The following RHOBTB3 variants were observed in gnomAD, a reference collection of about 807,000 sequenced individuals.
RHOBTB3 encodes the protein Rho related BTB domain containing 3, also known as rho-related BTB domain-containing protein 3.
In RHOBTB3, 47 loss-of-function variants were observed where a neutral mutation model predicts 67.2. That is an observed-to-expected ratio of 0.70 (90% CI 0.55 to 0.89). RHOBTB3 has a LOEUF of 0.89. Among genes scored for constraint, RHOBTB3 ranks in the 40% least tolerant of loss-of-function variants. The probability of loss-of-function intolerance (pLI) is 0.00; values close to 1 mark genes in which losing one functional copy is unlikely to be tolerated. For missense variants in RHOBTB3, 631 were observed against 750.0 expected (o/e 0.84, Z 1.85); for synonymous variants, 273 against 274.2 (o/e 1.00, Z 0.04).
chr5:95,718,729 T>G lies in RHOBTB3; in HGVS notation n.133+964T>G, dbSNP rs186093329. Among the ~76,000 whole-genome samples, 487 of 152,266 alleles carry G rather than the reference T, an allele frequency of 3.2e-3. 5 individuals carry two copies. The highest frequency in any genetic ancestry group is 4.1e-3 in the Non-Finnish European group (282 of 68,034). On this transcript the variant is annotated intron_variant and non_coding_transcript_variant, in intron 1 of 5. Coordinates refer to the RHOBTB3 transcript ENST00000504949. ...ACTAAGGTTGATCCAGGGTTGGGGT[T>G]TTAGACTGAAAAGCAATAGAATGGG...
At chr5:95,753,835 T>C (rs1745164769) in intron 5 of RHOBTB3, among the ~76,000 whole-genome samples, 1 of 152,150 alleles carries the variant, frequency 6.6e-6, no homozygotes, top group Admixed American at 6.6e-5. Context: ...TTGGCCCAGG[T>C]ATGGTGGCTC....
chr5:95,731,153 G>T (rs1755221912), upstream of RHOBTB3: 3 of 1,017,380 alleles, frequency 2.9e-6, no homozygotes, highest in Non-Finnish European at 3.5e-6. Context: ...CCCCGCGCGG[G>T]CGGCTCCTTT....
intron 9 of RHOBTB3, chr5:95,781,681 C>T (rs1746050514): frequency 6.6e-6 from 1 of 152,304 alleles, no homozygotes; most frequent in African/African-American, 2.4e-5. Context: ...GAAACCCCGT[C>T]TCTACTAAAA....
At chr5:95,728,282 A>G (rs1033712683), upstream of RHOBTB3, among the ~76,000 whole-genome samples, 1 of 152,032 alleles carries the variant, frequency 6.6e-6, no homozygotes, top group African/African-American at 2.4e-5. Context: ...TAATATAGAA[A>G]CCTTCATGCC....
intron 2 of RHOBTB3, chr5:95,732,384 G>A (rs563668602): frequency 1.1e-5 from 6 of 568,384 alleles, no homozygotes; most frequent in African/African-American, 9.3e-5. Flanking sequence ...CCAACTCCAA[G>A]GGACGGGGTC....
At chr5:95,774,337 T>G (rs1252207257) in intron 8 of RHOBTB3, among the ~76,000 whole-genome samples, 2 of 152,214 alleles carry the variant, frequency 1.3e-5, no homozygotes, top group Admixed American at 6.5e-5. Context: ...TTTCCTCTGC[T>G]TAGAAAAAGG....
chr5:95,773,574 A>G (rs903376968), intron 8 of RHOBTB3, among the ~76,000 whole-genome samples: 7 of 152,222 alleles, frequency 4.6e-5, no homozygotes, highest in African/African-American at 1.7e-4. Flanking sequence ...CTTGTCTTCA[A>G]GTCTCATTTG....
At chr5:95,736,305 T>C (rs369298177) in intron 2 of RHOBTB3, among the ~76,000 whole-genome samples, 2 of 152,312 alleles carry the variant, frequency 1.3e-5, no homozygotes, top group East Asian at 3.9e-4. Flanking sequence ...ACAGTATCTC[T>C]TTTTTTAGTA....
At chr5:95,727,084 C>T (rs772378119), upstream of RHOBTB3, among the ~76,000 whole-genome samples, 2 of 151,878 alleles carry the variant, frequency 1.3e-5, no homozygotes, top group African/African-American at 2.4e-5. Context: ...TTAAAAATTG[C>T]GTTTGTTTTT....
chr5:95,790,592 G>T (rs550478550), intron 11 of RHOBTB3, among the ~76,000 whole-genome samples: 1 of 152,198 alleles, frequency 6.6e-6, no homozygotes. Flanking sequence ...CCAGTGCGAT[G>T]TGAGGTGGCA....
chr5:95,791,254 A>G (rs1746378157), intron 11 of RHOBTB3, among the ~76,000 whole-genome samples: 1 of 152,224 alleles, frequency 6.6e-6, no homozygotes. Flanking sequence ...GTACAGGCAC[A>G]GATACATCAG....
rs1433728045 is a variant in RHOBTB3 at position 95,794,784 on chromosome 5, C to T, written c.*1610C>T. On this transcript the variant is annotated 3_prime_UTR_variant, in exon 12 of 12. Coordinates refer to ENST00000379982, the MANE Select transcript of RHOBTB3 (RefSeq NM_014899.4). Reference sequence around the variant, plus strand: ...ATATTGGGACCCCATACCGTTAGCCCTTGTATGTATACCAACACTGCCAAA... The same window carrying T: ...ATATTGGGACCCCATACCGTTAGCCTTTGTATGTATACCAACACTGCCAAA... The T allele has an allele frequency of 6.6e-6, 1 of 152,056 alleles. No individual in the cohort carries two copies. Among genetic ancestry groups the T allele is most frequent in the Admixed American group, 6.6e-5 (1 of 15,244 alleles). The allele number at this position is 152,056 out of a possible 1,614,324, so 9.4% of individuals were successfully genotyped here. A position where few individuals can be genotyped will look rare whatever the true frequency, so the allele number is the denominator to read the frequency against.
intron 6 of RHOBTB3, among the ~76,000 whole-genome samples, chr5:95,762,961 G>A (rs936170102): frequency 2.0e-5 from 3 of 152,160 alleles, no homozygotes; most frequent in Non-Finnish European, 4.4e-5. Flanking sequence ...ATTTTGCTCC[G>A]ATGACATGAG....
intron 6 of RHOBTB3, among the ~76,000 whole-genome samples, chr5:95,761,429 G>A (rs1164878283): frequency 2.1e-5 from 3 of 144,596 alleles, no homozygotes; most frequent in Admixed American, 7.2e-5. Flanking sequence ...TGAAATCTCC[G>A]CCTCCTGGGT....
At chr5:95,732,184 C>T (rs747471195) in intron 2 of RHOBTB3, 100 bp downstream of exon 2, 4 of 1,071,522 alleles carry the variant, frequency 3.7e-6, no homozygotes, top group Admixed American at 2.0e-5. Flanking sequence ...GTGGAGTGTC[C>T]GCGTTACATG....
chr5:95,748,378 G>A lies in RHOBTB3; in HGVS notation c.461G>A (p.Ser154Asn). The change falls in exon 4 of 12, where the codon AGC becomes AAC. Residue 154 changes from serine (S) to asparagine (N), a missense_variant. By Grantham distance (46) the Ser-to-Asn change is conservative. Transcript: ENST00000379982. ...TCPLCTSDRG[S>N]CVSTTEGIQL... ...CCACTATGTACCTCAGACAGAGGGAGCTGTGTTAGTACAACTGAAGGGATC... is the reference window on the plus strand; with the variant it reads ...CCACTATGTACCTCAGACAGAGGGAACTGTGTTAGTACAACTGAAGGGATC... The A allele has an allele frequency of 6.2e-7, 1 of 1,613,134 alleles. No individual in the cohort carries two copies. The highest frequency in any genetic ancestry group is 8.5e-7 in the Non-Finnish European group (1 of 1,179,268).
intron 1 of RHOBTB3, among the ~76,000 whole-genome samples, chr5:95,725,603 C>CT (rs551959637): frequency 6.6e-6 from 1 of 152,324 alleles, no homozygotes; most frequent in South Asian, 2.1e-4. Context: ...CTTTTCTGCA[C>CT]TTTTTTTGTG....
intron 6 of RHOBTB3, among the ~76,000 whole-genome samples, chr5:95,762,139 C>T (rs1441732311): frequency 1.3e-5 from 2 of 152,170 alleles, no homozygotes; most frequent in African/African-American, 2.4e-5. Context: ...TTTCCTTGTT[C>T]TGTGATGTCA....
intron 11 of RHOBTB3, among the ~76,000 whole-genome samples, chr5:95,790,819 G>A (rs143611428): frequency 6.6e-6 from 1 of 152,330 alleles, no homozygotes; most frequent in African/African-American, 2.4e-5. Context: ...TGGTTTAGGT[G>A]TAGCCTGCCA....
Sources: allele counts gnomAD v4.1 joint callset (sites outside exome capture counted in the v4.1 genomes callset), GRCh38; gene constraint gnomAD v4.1.1; transcripts MANE v1.5; gene names NCBI Gene and HGNC (gene_info 2026-07-23, HGNC 2026-07-21).